The following CTIF variants were observed in gnomAD, a reference collection of about 807,000 sequenced individuals.
The protein encoded by CTIF is CBP80/20-dependent translation initiation factor.
CTIF carries 21 observed loss-of-function variants against 66.0 expected under a neutral mutation model. That is an observed-to-expected ratio of 0.32 (90% CI 0.23 to 0.46). CTIF has a LOEUF of 0.46. Ranked by LOEUF, CTIF falls within the 20% of genes least tolerant of loss-of-function variation. The pLI, the probability that CTIF is intolerant of heterozygous loss-of-function variation, is 1.00. For missense variants in CTIF, 739 were observed against 812.7 expected (o/e 0.91, Z 1.10); for synonymous variants, 345 against 326.4 (o/e 1.06, Z -0.62).
At chr18:48,671,540 G>A (rs1302956131) in intron 6 of CTIF, among the ~76,000 whole-genome samples, 1 of 152,088 alleles carries the variant, frequency 6.6e-6, no homozygotes, top group Non-Finnish European at 1.5e-5. Context: ...CTCTGTTCAT[G>A]CCTTGGGCCT....
chr18:48,757,472 G>A (rs879877043), intron 7 of CTIF, among the ~76,000 whole-genome samples: 10 of 152,174 alleles, frequency 6.6e-5, no homozygotes, highest in Non-Finnish European at 7.4e-5. Flanking sequence ...GAAGGTGCTT[G>A]TAAGAAGCAG....
chr18:48,706,692 A>G (rs1331122313), intron 6 of CTIF, among the ~76,000 whole-genome samples: 2 of 152,084 alleles, frequency 1.3e-5, no homozygotes, highest in Admixed American at 6.5e-5. Flanking sequence ...CTGATTTTAC[A>G]TAACATGTTT....
intron 6 of CTIF, among the ~76,000 whole-genome samples, chr18:48,681,942 C>T (rs1416857927): frequency 6.6e-6 from 1 of 152,128 alleles, no homozygotes; most frequent in East Asian, 1.9e-4. Flanking sequence ...CGTGCCACCA[C>T]ACCCGGCTAA....
chr18:48,623,898 TAGAC>T (rs72043404), intron 2 of CTIF, among the ~76,000 whole-genome samples: 9,319 of 152,126 alleles, frequency 0.061, 488 homozygotes, highest in African/African-American at 0.14. Context: ...GATGGATGGA[TAGAC>T]AGACAGATAG....
chr18:48,616,703 C>T (rs2090406716), intron 1 of CTIF, among the ~76,000 whole-genome samples: 2 of 152,226 alleles, frequency 1.3e-5, no homozygotes, highest in African/African-American at 4.8e-5. Flanking sequence ...ACAGCAGACA[C>T]TCGTCATTCC....
At chr18:48,837,319 C>T (rs1250158443) in intron 10 of CTIF, among the ~76,000 whole-genome samples, 1 of 152,102 alleles carries the variant, frequency 6.6e-6, no homozygotes, top group Non-Finnish European at 1.5e-5. Context: ...TGTCTAAGGC[C>T]CATCAAGCAT....
At chr18:48,723,631 C>G (rs1371346257) in intron 7 of CTIF, among the ~76,000 whole-genome samples, 1 of 152,178 alleles carries the variant, frequency 6.6e-6, no homozygotes, top group Non-Finnish European at 1.5e-5. Flanking sequence ...AGAGCTTCCT[C>G]CAGCTGTTGG....
At chr18:48,819,497 G>C (rs780864728) in intron 10 of CTIF, among the ~76,000 whole-genome samples, 3 of 152,214 alleles carry the variant, frequency 2.0e-5, no homozygotes, top group African/African-American at 4.8e-5. Flanking sequence ...GGGAGGCAAG[G>C]CTGTAGCCGA....
intron 9 of CTIF, among the ~76,000 whole-genome samples, chr18:48,772,592 A>G (rs570524483): frequency 9.5e-4 from 142 of 149,396 alleles, no homozygotes; most frequent in African/African-American, 3.4e-3. Context: ...GATATCATAC[A>G]ATATTTTTCT....
At chr18:48,801,330 C>A (rs954349875) in intron 9 of CTIF, among the ~76,000 whole-genome samples, 1 of 152,212 alleles carries the variant, frequency 6.6e-6, no homozygotes, top group Non-Finnish European at 1.5e-5. Context: ...CAGACGCAAA[C>A]GTTGGTCTCC....
At chr18:48,686,662 T>C (rs1326794343) in intron 6 of CTIF, among the ~76,000 whole-genome samples, 2 of 152,194 alleles carry the variant, frequency 1.3e-5, no homozygotes, top group Non-Finnish European at 2.9e-5. Context: ...AAGTGTAGTT[T>C]CCTGGCTATG....
chr18:48,651,777 C>T (rs2144774626), intron 3 of CTIF, among the ~76,000 whole-genome samples: 1 of 152,346 alleles, frequency 6.6e-6, no homozygotes, highest in Non-Finnish European at 1.5e-5. Context: ...TCTCAGACCA[C>T]AGTGCAATCA....
At chr18:48,541,059 C>T (rs983666185) in intron 1 of CTIF, among the ~76,000 whole-genome samples, 2 of 152,192 alleles carry the variant, frequency 1.3e-5, no homozygotes, top group Non-Finnish European at 2.9e-5. Context: ...GCTGCGCCGC[C>T]CCCAGTCCAC....
intron 3 of CTIF, among the ~76,000 whole-genome samples, chr18:48,648,498 CACACAA>C (rs1568103221): frequency 1.3e-5 from 2 of 152,120 alleles, no homozygotes; most frequent in Admixed American, 1.3e-4. Context: ...CGCACACACA[CACACAA>C]ACACACACAT....
At chr18:48,700,617 A>C (rs1324764357) in intron 6 of CTIF, among the ~76,000 whole-genome samples, 1 of 152,248 alleles carries the variant, frequency 6.6e-6, no homozygotes, top group Non-Finnish European at 1.5e-5. Flanking sequence ...AATGAGCTGC[A>C]GCAGAGTGTG....
intron 9 of CTIF, among the ~76,000 whole-genome samples, chr18:48,765,951 AT>A (rs201387233): frequency 4.3e-5 from 5 of 116,834 alleles, no homozygotes; most frequent in South Asian, 3.2e-4. Flanking sequence ...TTTTTTAATC[AT>A]TTTTTCTTTT....
At position 48,594,057 on chromosome 18, in the gene CTIF, C is replaced by G. The variant is rs907473520; in HGVS notation, c.-28-25481C>G. ...GTGCCACAGATCCCTCCTATGAACA[C>G]AAGCCCCCCCTCCTATCTGCCCCCT... is the stretch of plus-strand genomic sequence containing the variant. On this transcript the variant is annotated intron_variant, in intron 1 of 11. Coordinates refer to ENST00000256413, the MANE Select transcript of CTIF (RefSeq NM_014772.3). 6.4e-4 allele frequency among the ~76,000 whole-genome samples: 97 copies of G among 151,984 alleles called. 1 individual carries two copies. Among genetic ancestry groups the G allele is most frequent in the African/African-American group, 2.1e-3 (88 of 41,364 alleles).
intron 1 of CTIF, among the ~76,000 whole-genome samples, chr18:48,589,129 GTA>G (rs1334270333): frequency 6.6e-6 from 1 of 152,230 alleles, no homozygotes; most frequent in Non-Finnish European, 1.5e-5. Flanking sequence ...ATGCCTGCGT[GTA>G]TGAGTTTCCC....
Position 48,764,917 on chromosome 18 carries a change from G to A in CTIF, c.1371+3228G>A, listed in dbSNP as rs961591181. Among the ~76,000 whole-genome samples, 3 of 152,276 alleles carry A rather than the reference G, an allele frequency of 2.0e-5. No homozygotes were observed. The South Asian group carries it at 6.2e-4, about 32-fold the overall frequency. On this transcript the variant is annotated intron_variant, in intron 9 of 11. Transcript: ENST00000256413. ...GAAGGCGGGTGGACTGTGCTGGTGC[G>A]GGGCTGCCCTGATCCCACAATGGCC...
Sources: allele counts gnomAD v4.1 joint callset (sites outside exome capture counted in the v4.1 genomes callset), GRCh38; gene constraint gnomAD v4.1.1; transcripts MANE v1.5; gene names NCBI Gene and HGNC (gene_info 2026-07-23, HGNC 2026-07-21).